ENPP3: variants seen among roughly 807,000 people sequenced by gnomAD.
ENPP3 encodes the protein ectonucleotide pyrophosphatase/phosphodiesterase family member 3.
ENPP3 carries 104 observed loss-of-function variants against 117.8 expected under a neutral mutation model. The observed-to-expected ratio is 0.88, with a 90% CI of 0.75 to 1.04. The LOEUF (loss-of-function observed/expected upper bound fraction) is 1.04. Among genes scored for constraint, ENPP3 ranks in the 50% least tolerant of loss-of-function variants. ENPP3 has a pLI of 0.00. For missense variants in ENPP3, 1,026 were observed against 1,051.9 expected (o/e 0.98, Z 0.34); for synonymous variants, 380 against 349.9 (o/e 1.09, Z -0.96).
chr6:131,653,125 G>C (rs1163988353), intron 5 of ENPP3, among the ~76,000 whole-genome samples: 2 of 151,844 alleles, frequency 1.3e-5, no homozygotes, highest in Admixed American at 1.3e-4. Flanking sequence ...TTACAACGAC[G>C]ACTTTATTTT....
At chr6:131,674,043 A>G in intron 7 of ENPP3, 119 bp from the exon 8 acceptor site, 2 of 609,816 alleles carry the variant, frequency 3.3e-6, no homozygotes, top group South Asian at 4.7e-5. Context: ...CAGGTGTTTT[A>G]CATTGAAAGG....
At chr6:131,699,304 A>C (rs1390908541) in intron 15 of ENPP3, among the ~76,000 whole-genome samples, 5 of 151,104 alleles carry the variant, frequency 3.3e-5, no homozygotes, top group Admixed American at 2.6e-4. Context: ...ATGATATGAC[A>C]CTGAGTTATT....
intron 2 of ENPP3, among the ~76,000 whole-genome samples, chr6:131,649,492 C>T (rs1778217597): frequency 6.6e-6 from 1 of 152,062 alleles, no homozygotes; most frequent in Admixed American, 6.6e-5. Context: ...TCCTTAATCC[C>T]CTTGCTAGTT....
At chr6:131,642,225 C>G (rs2114286515) in intron 2 of ENPP3, among the ~76,000 whole-genome samples, 1 of 152,232 alleles carries the variant, frequency 6.6e-6, no homozygotes. Context: ...GCTTCATTCC[C>G]ATGACCTCCT....
chr6:131,675,268 T>G, intron 9 of ENPP3, 79 bp downstream of exon 9: 1 of 986,226 alleles, frequency 1.0e-6, no homozygotes, highest in South Asian at 1.4e-5. Context: ...TGGTGGCAAT[T>G]CTATTAATCC....
At chr6:131,728,191 C>T (rs1780198028) in intron 20 of ENPP3, among the ~76,000 whole-genome samples, 2 of 152,138 alleles carry the variant, frequency 1.3e-5, no homozygotes, top group African/African-American at 2.4e-5. Context: ...CACAAAATAA[C>T]TTCTATTTTG....
chr6:131,694,758 C>G (rs553653246), intron 15 of ENPP3, among the ~76,000 whole-genome samples: 1 of 151,252 alleles, frequency 6.6e-6, no homozygotes, highest in Non-Finnish European at 1.5e-5. Context: ...TGCTTGAACC[C>G]GGGAGGCGGA....
chr6:131,716,243 T>A (rs892532233), intron 15 of ENPP3, among the ~76,000 whole-genome samples: 3 of 152,234 alleles, frequency 2.0e-5, no homozygotes, highest in Non-Finnish European at 4.4e-5. Flanking sequence ...AAGTGCCAGC[T>A]ATCATTGTTC....
At chr6:131,665,258 C>T (rs957070664) in intron 6 of ENPP3, among the ~76,000 whole-genome samples, 1 of 151,898 alleles carries the variant, frequency 6.6e-6, no homozygotes, top group Non-Finnish European at 1.5e-5. Context: ...GTAATGCTAG[C>T]CTTATTCATT....
intron 14 of ENPP3, among the ~76,000 whole-genome samples, chr6:131,691,114 T>A (rs556786218): frequency 1.3e-5 from 2 of 152,144 alleles, no homozygotes; most frequent in South Asian, 2.1e-4. Context: ...GGGCTACCAT[T>A]TCACATAGTC....
At chr6:131,655,263 T>C (rs1778361517) in intron 5 of ENPP3, among the ~76,000 whole-genome samples, 1 of 152,250 alleles carries the variant, frequency 6.6e-6, no homozygotes, top group Admixed American at 6.5e-5. Flanking sequence ...CCAGCTAACA[T>C]TCATATAGTT....
intron 11 of ENPP3, among the ~76,000 whole-genome samples, chr6:131,682,485 C>A (rs951227977): frequency 1.1e-4 from 16 of 152,068 alleles, no homozygotes; most frequent in South Asian, 4.2e-4. Flanking sequence ...CAGAGTAAGA[C>A]CCTGTCCCTA....
intron 2 of ENPP3, among the ~76,000 whole-genome samples, chr6:131,648,989 C>G (rs544812120): frequency 6.6e-6 from 1 of 152,234 alleles, no homozygotes; most frequent in East Asian, 1.9e-4. Flanking sequence ...ATATGGAAAA[C>G]TGAACTTCCC....
At chr6:131,732,499 AC>A (rs1780302657) in intron 20 of ENPP3, among the ~76,000 whole-genome samples, 1 of 151,562 alleles carries the variant, frequency 6.6e-6, no homozygotes, top group African/African-American at 2.4e-5. Context: ...TGCAACCTCC[AC>A]CTCCCAGGTT....
At chr6:131,725,054 C>CAAA (rs34304450) in intron 19 of ENPP3, among the ~76,000 whole-genome samples, 1 of 87,392 alleles carries the variant, frequency 1.1e-5, no homozygotes. Context: ...ACTAAAAATA[C>CAAA]AAAAAAAAAA....
At position 131,685,915 on chromosome 6, in the gene ENPP3, T is replaced by C. The variant is rs1189666454; in HGVS notation, c.1284+8T>C. The C allele has an allele frequency of 9.4e-6, 8 of 850,826 alleles. No homozygotes were observed. The highest frequency in any genetic ancestry group is 4.2e-5 in the Admixed American group (2 of 47,462). The allele number at this position is 850,826 out of a possible 1,614,324, so 52.7% of individuals were successfully genotyped here. A position where few individuals can be genotyped will look rare whatever the true frequency, so the allele number is the denominator to read the frequency against. On this transcript the variant is annotated splice_region_variant and intron_variant, in intron 14 of 24. Coordinates refer to ENST00000357639, the MANE Select transcript of ENPP3 (RefSeq NM_005021.5). ...ATTGTTAGAAACCTCAGTGTAAGTA[T>C]ACAATACTCTTAATACATATATTTA...
intron 10 of ENPP3, 30 bp downstream of exon 10, chr6:131,676,831 A>C: frequency 7.1e-7 from 1 of 1,406,946 alleles, no homozygotes. Flanking sequence ...AAGTGCTGGC[A>C]TAGTGGCATA....
rs559260594 is a variant in ENPP3 at position 131,639,628 on chromosome 6, A to G, written c.79-1827A>G. ...ACTTTTACTAAAGTTTCACTTAAAC[A>G]TTTTGAAGGTATCTGCTGTGTTTCT... On this transcript the variant is annotated intron_variant, in intron 1 of 24. Transcript: ENST00000357639. 2.0e-5 allele frequency among the ~76,000 whole-genome samples: 3 copies of G among 152,184 alleles called. No individual in the cohort carries two copies. The South Asian group carries it at 6.2e-4, about 32-fold the overall frequency.
At chr6:131,693,324 A>G (rs1779330393) in intron 14 of ENPP3, among the ~76,000 whole-genome samples, 173 bp from the exon 15 acceptor site, 1 of 138,036 alleles carries the variant, frequency 7.2e-6, no homozygotes, top group African/African-American at 3.2e-5. Flanking sequence ...GGCAAAACTA[A>G]TAACTAGGGG....
Sources: allele counts gnomAD v4.1 joint callset (sites outside exome capture counted in the v4.1 genomes callset), GRCh38; gene constraint gnomAD v4.1.1; transcripts MANE v1.5; gene names NCBI Gene and HGNC (gene_info 2026-07-23, HGNC 2026-07-21).